The following STXBP4 variants were observed in gnomAD, a reference collection of about 807,000 sequenced individuals.
STXBP4 encodes syntaxin-binding protein 4.
In STXBP4, 55 loss-of-function variants were observed where a neutral mutation model predicts 76.1. The observed-to-expected ratio is 0.72, with a 90% CI of 0.58 to 0.91. The LOEUF (loss-of-function observed/expected upper bound fraction) is 0.91, where lower values mean the gene tolerates loss of function less well. Ranked by LOEUF, STXBP4 falls within the 40% of genes least tolerant of loss-of-function variation. The pLI is 0.00. For missense variants in STXBP4, 618 were observed against 636.9 expected (o/e 0.97, Z 0.32); for synonymous variants, 201 against 220.2 (o/e 0.91, Z 0.77).
intron 12 of STXBP4, among the ~76,000 whole-genome samples, chr17:55,068,423 T>C (rs2079079864): frequency 6.6e-6 from 1 of 152,198 alleles, no homozygotes; most frequent in Non-Finnish European, 1.5e-5. Context: ...ACAGATGTGC[T>C]ACTGCAATTA....
the STXBP4 span, among the ~76,000 whole-genome samples, chr17:55,212,467 G>A: frequency 1.7e-3 from 260 of 152,214 alleles, 1 homozygote; most frequent in African/African-American, 5.6e-3. Flanking sequence ...TACATGTTTA[G>A]TGTTCAATAT....
At chr17:54,999,957 A>G (rs987522634) in intron 6 of STXBP4, 115 bp downstream of exon 6, 10 of 837,088 alleles carry the variant, frequency 1.2e-5, no homozygotes, top group Non-Finnish European at 1.6e-5. Flanking sequence ...ACAAATTAAT[A>G]TTTCTTTGAA....
Position 55,167,409 on chromosome 17 carries a change from G to T in STXBP4, c.*7498G>T, listed in dbSNP as rs148215183. ...AAGATTGAATTAAGAAGGAAATGAG[G>T]TGGGGGTTTAAGTAAGCATGTCTGT... is the stretch of plus-strand genomic sequence containing the variant. On this transcript the variant is annotated 3_prime_UTR_variant, in exon 18 of 18. Coordinates refer to ENST00000376352, the MANE Select transcript of STXBP4 (RefSeq NM_178509.6). The T allele has an allele frequency of 6.6e-6, 1 of 152,168 alleles. No homozygotes were observed. The highest frequency in any genetic ancestry group is 1.5e-5 in the Non-Finnish European group (1 of 68,014). 9.4% of individuals were successfully genotyped at this position (152,168 alleles called of 1,614,324 possible). A position where few individuals can be genotyped will look rare whatever the true frequency, so the allele number is the denominator to read the frequency against.
At chr17:55,129,942 A>G (rs1341817374) in intron 16 of STXBP4, among the ~76,000 whole-genome samples, 1 of 152,198 alleles carries the variant, frequency 6.6e-6, no homozygotes, top group African/African-American at 2.4e-5. Context: ...ATGAGCCTTT[A>G]AATCTGAATC....
rs569860019 is a variant in STXBP4 at position 55,025,240 on chromosome 17, T to C, written c.667-5928T>C. Among the ~76,000 whole-genome samples, 4 of 152,244 alleles carry C rather than the reference T, an allele frequency of 2.6e-5. No homozygotes were observed. The South Asian group carries it at 6.2e-4, about 24-fold the overall frequency. On this transcript the variant is annotated intron_variant, in intron 8 of 17. Coordinates refer to ENST00000376352, the MANE Select transcript of STXBP4 (RefSeq NM_178509.6). The stretch of plus-strand genomic sequence containing the variant: ...AATTATAGGAGAATACTATGAATAA[T>C]TATATGCCATCAATTAGGTAAACTA...
intron 8 of STXBP4, among the ~76,000 whole-genome samples, chr17:55,014,352 G>A (rs959607194): frequency 2.0e-5 from 3 of 152,126 alleles, no homozygotes; most frequent in Admixed American, 2.0e-4. Context: ...CCCTGCTTTT[G>A]CTAGAATGTC....
the STXBP4 span, among the ~76,000 whole-genome samples, chr17:55,180,614 A>G: frequency 2.1e-4 from 32 of 152,240 alleles, no homozygotes; most frequent in Non-Finnish European, 4.4e-4. Context: ...AGGTAAGGCA[A>G]CCAACTCTAC....
intron 12 of STXBP4, among the ~76,000 whole-genome samples, chr17:55,072,647 AT>A (rs1381472812): frequency 6.6e-6 from 1 of 152,004 alleles, no homozygotes; most frequent in Non-Finnish European, 1.5e-5. Flanking sequence ...TACTTCCTTT[AT>A]TTTCAAAATG....
chr17:55,122,239 T>C (rs983422314), intron 16 of STXBP4, among the ~76,000 whole-genome samples: 1 of 152,192 alleles, frequency 6.6e-6, no homozygotes, highest in African/African-American at 2.4e-5. Flanking sequence ...GACACAAAGA[T>C]GGATAAAACA....
intron 7 of STXBP4, among the ~76,000 whole-genome samples, chr17:55,006,572 G>A (rs1258662719): frequency 6.6e-6 from 1 of 152,162 alleles, no homozygotes; most frequent in Non-Finnish European, 1.5e-5. Context: ...GTCTTTTGTA[G>A]CATCTTTTTT....
chr17:55,136,871 T>C (rs1034392423), intron 16 of STXBP4, among the ~76,000 whole-genome samples: 1 of 152,138 alleles, frequency 6.6e-6, no homozygotes, highest in East Asian at 1.9e-4. Flanking sequence ...ATAAACACTT[T>C]CCTATGTTAG....
At chr17:55,140,054 A>G (rs980376951) in intron 16 of STXBP4, among the ~76,000 whole-genome samples, 1 of 152,144 alleles carries the variant, frequency 6.6e-6, no homozygotes, top group Non-Finnish European at 1.5e-5. Flanking sequence ...CAATAATTCT[A>G]TCACTTTGGG....
chr17:55,113,975 AT>A (rs1468359311), intron 16 of STXBP4, among the ~76,000 whole-genome samples: 1 of 151,958 alleles, frequency 6.6e-6, no homozygotes, highest in East Asian at 1.9e-4. Context: ...TCTGTACCTC[AT>A]TTTCCTCACC....
intron 16 of STXBP4, among the ~76,000 whole-genome samples, chr17:55,099,536 A>C (rs1318401975): frequency 6.6e-6 from 1 of 152,208 alleles, no homozygotes; most frequent in African/African-American, 2.4e-5. Context: ...TTGTGTATCT[A>C]AACATGGGAA....
At chr17:55,036,620 T>C (rs554446576) in intron 10 of STXBP4, among the ~76,000 whole-genome samples, 49 of 151,992 alleles carry the variant, frequency 3.2e-4, no homozygotes, top group African/African-American at 1.1e-3. Flanking sequence ...AACTTATATA[T>C]TTCTTTATTT....
downstream of STXBP4, among the ~76,000 whole-genome samples, chr17:55,178,063 TATC>T (rs2080437441): frequency 6.6e-6 from 1 of 152,222 alleles, no homozygotes; most frequent in Admixed American, 6.5e-5. Flanking sequence ...TAACATGAAA[TATC>T]ATTGGAGCTT....
chr17:55,116,796 C>T (rs1386079339), intron 16 of STXBP4, among the ~76,000 whole-genome samples: 2 of 151,774 alleles, frequency 1.3e-5, no homozygotes, highest in African/African-American at 4.8e-5. Context: ...TATAGCAGGG[C>T]TCTGTTATGT....
intron 15 of STXBP4, among the ~76,000 whole-genome samples, chr17:55,080,834 A>G (rs1479111528): frequency 6.6e-6 from 1 of 152,206 alleles, no homozygotes; most frequent in Non-Finnish European, 1.5e-5. Flanking sequence ...CATGAAGTCA[A>G]CCTAATTTTA....
chr17:55,185,314 T>C, the STXBP4 span, among the ~76,000 whole-genome samples: 108 of 69,276 alleles, frequency 1.6e-3, no homozygotes, highest in South Asian at 2.4e-3. Context: ...TCCTTCTCCT[T>C]CTCCTTCTCC....
Sources: allele counts gnomAD v4.1 joint callset (sites outside exome capture counted in the v4.1 genomes callset), GRCh38; gene constraint gnomAD v4.1.1; transcripts MANE v1.5; gene names NCBI Gene and HGNC (gene_info 2026-07-23, HGNC 2026-07-21).